ANKRD28: variants seen among roughly 807,000 people sequenced by gnomAD.
ANKRD28 encodes ankyrin repeat domain 28.
A neutral mutation model predicts 126.5 loss-of-function variants in ANKRD28; 44 were observed. The ratio of observed to expected loss-of-function variants is 0.35; its 90% CI spans 0.27 to 0.45. The LOEUF is 0.45. ANKRD28 is among the 20% of genes least tolerant of loss of function. The pLI is 1.00. For synonymous variants in ANKRD28, 442 were observed against 468.5 expected (o/e 0.94, Z 0.73); for missense variants, 1,110 against 1,316.6 (o/e 0.84, Z 2.43).
chr3:15,842,770 G>T (rs770728478), intron 1 of ANKRD28, among the ~76,000 whole-genome samples: 6 of 151,970 alleles, frequency 3.9e-5, no homozygotes, highest in Non-Finnish European at 5.9e-5. Flanking sequence ...TAAAAGTTTG[G>T]TTTTTTTGGA....
In ANKRD28 at chr3:15,708,012, G is replaced by A; in HGVS notation, c.1459C>T (p.Leu487Phe). 2 of 1,611,044 alleles carry A rather than the reference G, an allele frequency of 1.2e-6. No homozygotes were observed. Among genetic ancestry groups the A allele is most frequent in the East Asian group, 2.2e-5 (1 of 44,814 alleles). Residue 487 changes from leucine to phenylalanine, a missense_variant, in exon 14 of 28, where the codon CTT (leucine) becomes TTT (phenylalanine). Transcript: ENST00000683139. ...ANCNYQCLFA[L>F]VGSGASVNDL... is the part of the protein sequence containing the mutation. ...TTCACACTTGCTCCTGATCCCACAA[G>A]AGCAAACAGGCACTGGTAATTGCAG...
chr3:15,806,487 A>G (rs1217937785), intron 1 of ANKRD28, among the ~76,000 whole-genome samples: 2 of 151,960 alleles, frequency 1.3e-5, no homozygotes, highest in South Asian at 4.1e-4. Flanking sequence ...GAAGGCAGCT[A>G]TGCTCACCAC....
intron 8 of ANKRD28, among the ~76,000 whole-genome samples, chr3:15,715,686 T>C (rs2072924179): frequency 6.6e-6 from 1 of 152,172 alleles, no homozygotes; most frequent in South Asian, 2.1e-4. Flanking sequence ...TTTGGACAAG[T>C]TGCCTAACTT....
At chr3:15,856,005 G>A (rs547372955) in intron 1 of ANKRD28, among the ~76,000 whole-genome samples, 9 of 152,168 alleles carry the variant, frequency 5.9e-5, no homozygotes, top group African/African-American at 1.4e-4. Flanking sequence ...TGTATTTAAC[G>A]GGAATCTTAT....
At position 15,814,390 on chromosome 3, in the gene ANKRD28, A is replaced by T. The variant is rs2060789804; in HGVS notation, c.28-19084T>A. On this transcript the variant is annotated intron_variant, in intron 1 of 27. Transcript: ENST00000399451. This position sits in a 1 kb window ranked among gnomAD's most constrained non-coding sequence, Gnocchi z 4.7. ...GCTATGTTATTTATAAATAACTAGT[A>T]CCTTAACAAAACATTGAATTATTGG... 1 of 636,918 alleles carries T rather than the reference A, an allele frequency of 1.6e-6. No homozygotes were observed. The highest frequency in any genetic ancestry group is 2.2e-6 in the Non-Finnish European group (1 of 451,242). 39.5% of individuals were successfully genotyped at this position (636,918 alleles called of 1,614,324 possible).
In ANKRD28 at chr3:15,686,117, G is replaced by A. The variant is rs779974416; in HGVS notation, c.2054C>T (p.Thr685Met). 3.7e-6 allele frequency: 6 copies of A among 1,612,194 alleles called. No homozygotes were observed. Among genetic ancestry groups the A allele is most frequent in the Non-Finnish European group, 5.1e-6 (6 of 1,179,008 alleles). Residue 685 changes from threonine (T) to methionine (M), a missense_variant and splice_region_variant, in exon 20 of 28, where the codon ACG becomes ATG. By Grantham distance (81) the Thr-to-Met change is moderately conservative. Transcript: ENST00000683139. ...AVDIQDGNGQ[T>M]PLMLSVLNGH... ...GTTGAGAACAGATAGCATCAGAGGC[G>A]TCCTGAGCAACAACAGGAATAGGTT... is the stretch of plus-strand genomic sequence containing the variant.
intron 2 of ANKRD28, among the ~76,000 whole-genome samples, chr3:15,766,681 C>CA (rs200877366): frequency 5.3e-4 from 79 of 148,832 alleles, no homozygotes; most frequent in South Asian, 1.5e-3. Flanking sequence ...CTATTAAAAA[C>CA]AAAAAAAAAC....
At chr3:15,757,817 A>G (rs1272791008) in intron 3 of ANKRD28, among the ~76,000 whole-genome samples, 1 of 152,210 alleles carries the variant, frequency 6.6e-6, no homozygotes, top group Non-Finnish European at 1.5e-5. Flanking sequence ...CTCTAACATT[A>G]AAAAGATCTA....
rs1047358 is a variant in ANKRD28, at chr3:15,797,570, G to A, written c.-1049C>T. On this transcript the variant is annotated 5_prime_UTR_variant, in exon 1 of 28. Coordinates refer to ENST00000683139, the MANE Select transcript of ANKRD28 (RefSeq NM_001349278.2). Reference sequence around the variant, plus strand: ...TTTTTGTTTTCTTTAAAAAAAAAAAGGGGGGGGAAAAACATAGTAGTGTAT... The same window carrying A: ...TTTTTGTTTTCTTTAAAAAAAAAAAAGGGGGGGAAAAACATAGTAGTGTAT... The A allele has an allele frequency of 7.2e-6, 7 of 976,036 alleles. No individual in the cohort carries two copies. The highest frequency in any genetic ancestry group is 6.3e-5 in the Admixed American group (1 of 15,964). 60.5% of individuals were successfully genotyped at this position (976,036 alleles called of 1,614,324 possible).
In ANKRD28 at chr3:15,690,170, T is replaced by C. The variant is rs764156429; in HGVS notation, c.1812A>G (p.Leu604=). 6.2e-7 allele frequency: 1 copy of C among 1,608,848 alleles called. No homozygotes were observed. The highest frequency in any genetic ancestry group is 8.5e-7 in the Non-Finnish European group (1 of 1,177,382). The change falls in exon 18 of 28, where the codon TTA becomes TTG. Residue 604 remains leucine (L), a synonymous_variant. Coordinates refer to ENST00000683139, the MANE Select transcript of ANKRD28 (RefSeq NM_001349278.2). ...QALEVLVQSL[L]DLDVRNSSGR... ...CACTACTATTTCTGACATCAAGATC[T>C]AACAAAGACTGTACCAACACTTCCA...
intron 1 of ANKRD28, among the ~76,000 whole-genome samples, chr3:15,837,540 T>A (rs1259183638): frequency 6.6e-6 from 1 of 152,072 alleles, no homozygotes; most frequent in African/African-American, 2.4e-5. Flanking sequence ...CACCTGTAAA[T>A]AACCAATGGA....
rs1214587387 is a variant in ANKRD28 at position 15,712,205 on chromosome 3, A to G, written c.1208T>C (p.Met403Thr). 6 of 1,582,864 alleles carry G rather than the reference A, an allele frequency of 3.8e-6. No homozygotes were observed. The highest frequency in any genetic ancestry group is 4.3e-6 in the Non-Finnish European group (5 of 1,163,808). Reference protein sequence around the residue: ...ADTAKRGIHGMFPLHLAALSG... With the variant: ...ADTAKRGIHGTFPLHLAALSG... ...TAAGGCTGCCAAATGGAGGGGGAAC[A>G]TTCCATGTATGCCACGCCTAAAGTT... The change falls in exon 11 of 28, where the codon ATG (methionine) becomes ACG (threonine). Residue 403 changes from methionine to threonine, a missense_variant. Physicochemically the swap from Met to Thr is moderately conservative, Grantham distance 81. Transcript: ENST00000683139.
intron 1 of ANKRD28, among the ~76,000 whole-genome samples, chr3:15,857,868 C>G (rs1165182655): frequency 2.0e-5 from 3 of 152,176 alleles, no homozygotes; most frequent in Non-Finnish European, 4.4e-5. Context: ...AGGAAAACAT[C>G]GATCAGTCAT....
rs2060832884 is a variant in ANKRD28, at chr3:15,816,445, A to T, written c.28-21139T>A. 6.6e-6 allele frequency among the ~76,000 whole-genome samples: 1 copy of T among 152,232 alleles called. No individual in the cohort carries two copies. The highest frequency in any genetic ancestry group is 2.1e-4 in the South Asian group (1 of 4,834). On this transcript the variant is annotated intron_variant, in intron 1 of 27. Transcript: ENST00000399451. The surrounding 1 kb of genome is among the most constrained non-coding windows in gnomAD (Gnocchi z 5.0). ...GTTATTAAGACCAGCTTAAGTTAAC[A>T]GCCTAAGGATAAAAAATACTACAGT... is the stretch of plus-strand genomic sequence containing the variant.
At chr3:15,727,067 C>A (rs187840138) in intron 6 of ANKRD28, among the ~76,000 whole-genome samples, 38 of 152,296 alleles carry the variant, frequency 2.5e-4, no homozygotes, top group Admixed American at 2.5e-3. Context: ...ATGTACTTGG[C>A]CACCCAAGAG....
chr3:15,773,704 G>A (rs1227184368), intron 2 of ANKRD28, among the ~76,000 whole-genome samples: 1 of 152,136 alleles, frequency 6.6e-6, no homozygotes, highest in African/African-American at 2.4e-5. Context: ...AGTAAATGAT[G>A]AGAGACCATG....
intron 3 of ANKRD28, among the ~76,000 whole-genome samples, chr3:15,764,696 C>A (rs1188876919): frequency 1.3e-5 from 2 of 152,050 alleles, no homozygotes; most frequent in Non-Finnish European, 2.9e-5. Flanking sequence ...GTAGAAAATT[C>A]CATAAACTTG....
At chr3:15,736,845 T>G (rs554441406) in intron 5 of ANKRD28, among the ~76,000 whole-genome samples, 188 bp downstream of exon 5, 2 of 152,362 alleles carry the variant, frequency 1.3e-5, no homozygotes, top group Non-Finnish European at 2.9e-5. Context: ...ACAGGTTAAC[T>G]GTGCACAAGT....
intron 8 of ANKRD28, among the ~76,000 whole-genome samples, chr3:15,716,300 T>C (rs867659294): frequency 1.4e-4 from 21 of 149,170 alleles, no homozygotes; most frequent in South Asian, 1.1e-3. Context: ...TTTTTTTTTT[T>C]CCCTTAAAGA....
Sources: gnomAD v4.1 joint callset for allele counts (sites outside exome capture counted in the v4.1 genomes callset) on GRCh38, gnomAD v4.1.1 for gene constraint, Gnocchi (gnomAD v3.1) non-coding constraint, MANE v1.5 for transcripts, NCBI Gene and HGNC (gene_info 2026-07-23, HGNC 2026-07-21) for gene names.